The following CAP2 variants were observed in gnomAD, a reference collection of about 807,000 sequenced individuals.
CAP2 encodes adenylyl cyclase-associated protein 2.
CAP2 carries 24 observed loss-of-function variants against 57.7 expected under a neutral mutation model. That is an observed-to-expected ratio of 0.42 (90% CI 0.30 to 0.58). The LOEUF (loss-of-function observed/expected upper bound fraction) is 0.58. CAP2 is among the 20% of genes least tolerant of loss of function. The pLI is 0.22. For missense variants in CAP2, 501 were observed against 590.3 expected (o/e 0.85, Z 1.57); for synonymous variants, 194 against 207.2 (o/e 0.94, Z 0.55).
intron 3 of CAP2, among the ~76,000 whole-genome samples, chr6:17,428,629 TGGGGGGA>T (rs1344913024): frequency 5.1e-5 from 1 of 19,736 alleles, no homozygotes; most frequent in East Asian, 1.6e-3. Flanking sequence ...TGTGGTGGGA[TGGGGGGA>T]GGGGGGAGGG....
intron 6 of CAP2, among the ~76,000 whole-genome samples, chr6:17,511,713 G>A (rs958004542): frequency 6.6e-6 from 1 of 152,090 alleles, no homozygotes; most frequent in Non-Finnish European, 1.5e-5. Flanking sequence ...CTTGGCCTCC[G>A]AAAGTACTGA....
chr6:17,533,671 C>T (rs1275873335), intron 7 of CAP2, among the ~76,000 whole-genome samples: 1 of 151,252 alleles, frequency 6.6e-6, no homozygotes, highest in Non-Finnish European at 1.5e-5. Context: ...TGGGTTCAAG[C>T]GATTCTCCTG....
intron 7 of CAP2, among the ~76,000 whole-genome samples, chr6:17,514,312 G>A (rs9477464): frequency 0.055 from 8,321 of 152,134 alleles, 270 homozygotes; most frequent in Middle Eastern, 0.095. Flanking sequence ...GCAGTGAGCC[G>A]AGATTGCACC....
chr6:17,438,482 A>G (rs1399191820), intron 3 of CAP2, among the ~76,000 whole-genome samples: 1 of 68,560 alleles, frequency 1.5e-5, no homozygotes, highest in Non-Finnish European at 2.3e-5. Flanking sequence ...TCTGTTGCCC[A>G]GGCTGGAGTG....
chr6:17,539,535 C>T, intron 8 of CAP2, 77 bp downstream of exon 8: 1 of 1,107,746 alleles, frequency 9.0e-7, no homozygotes, highest in Non-Finnish European at 1.3e-6. Flanking sequence ...GCTGGAGCCC[C>T]AGTGATGGAT....
intron 7 of CAP2, among the ~76,000 whole-genome samples, chr6:17,526,378 A>G (rs1438344858): frequency 1.3e-5 from 2 of 151,886 alleles, no homozygotes; most frequent in Admixed American, 6.6e-5. Flanking sequence ...TGTGCCTCCC[A>G]AAGTGCTGGG....
At chr6:17,425,569 G>A (rs1759568335) in intron 2 of CAP2, among the ~76,000 whole-genome samples, 1 of 152,122 alleles carries the variant, frequency 6.6e-6, no homozygotes, top group Admixed American at 6.6e-5. Context: ...TGGAAGAAGG[G>A]CCACTGGCTT....
intron 3 of CAP2, among the ~76,000 whole-genome samples, chr6:17,449,689 A>G (rs531440796): frequency 6.6e-6 from 1 of 152,282 alleles, no homozygotes; most frequent in East Asian, 1.9e-4. Flanking sequence ...GATTACAAGC[A>G]TGAGCCACCA....
intron 4 of CAP2, among the ~76,000 whole-genome samples, chr6:17,479,543 AAAG>A (rs1761234722): frequency 6.6e-6 from 1 of 152,144 alleles, no homozygotes; most frequent in African/African-American, 2.4e-5. Flanking sequence ...AGGAAGGAAA[AAAG>A]GAGGGAAAAA....
chr6:17,489,776 G>A (rs527356623), intron 4 of CAP2, among the ~76,000 whole-genome samples: 22 of 152,042 alleles, frequency 1.4e-4, no homozygotes, highest in Middle Eastern at 3.4e-3. Flanking sequence ...CCAGTCTGGA[G>A]CTGGGAAAAC....
chr6:17,551,377 G>A, intron 11 of CAP2, 87 bp from the exon 12 acceptor site: 1 of 1,155,732 alleles, frequency 8.7e-7, no homozygotes, highest in South Asian at 1.5e-5. Context: ...CCAAGCTAAA[G>A]CCAAGAGGAA....
chr6:17,480,756 T>C (rs1292642762), intron 4 of CAP2, among the ~76,000 whole-genome samples: 1 of 150,638 alleles, frequency 6.6e-6, no homozygotes, highest in African/African-American at 2.4e-5. Flanking sequence ...GACTTGGTGC[T>C]AAATGTGGTT....
chr6:17,489,994 C>T (rs1031898631), intron 4 of CAP2, among the ~76,000 whole-genome samples: 1 of 152,132 alleles, frequency 6.6e-6, no homozygotes, highest in Admixed American at 6.5e-5. Context: ...CAACACACAA[C>T]ACAATGCATT....
At chr6:17,519,281 G>A (rs1436812728) in intron 7 of CAP2, among the ~76,000 whole-genome samples, 1 of 152,152 alleles carries the variant, frequency 6.6e-6, no homozygotes. Context: ...TCAGTTGTCA[G>A]GGTGAAATGC....
intron 1 of CAP2, among the ~76,000 whole-genome samples, chr6:17,393,972 T>A (rs1408036055): frequency 6.8e-6 from 1 of 147,802 alleles, no homozygotes; most frequent in Non-Finnish European, 1.5e-5. Context: ...CGGACTCCCA[T>A]CTGGGTCAGC....
At chr6:17,519,079 G>A (rs1341068263) in intron 7 of CAP2, among the ~76,000 whole-genome samples, 2 of 152,004 alleles carry the variant, frequency 1.3e-5, no homozygotes, top group South Asian at 2.1e-4. Flanking sequence ...TTTTCAAATT[G>A]GATTTTGAGA....
intron 1 of CAP2, among the ~76,000 whole-genome samples, chr6:17,407,802 ATC>A (rs1759022805): frequency 3.2e-5 from 4 of 124,548 alleles, no homozygotes; most frequent in African/African-American, 2.9e-5. Context: ...AAAAAAAAAA[ATC>A]AAAGTCAAGT....
intron 2 of CAP2, among the ~76,000 whole-genome samples, chr6:17,423,589 A>G (rs1349366622): frequency 6.6e-6 from 1 of 152,196 alleles, no homozygotes; most frequent in Non-Finnish European, 1.5e-5. Context: ...GTTAAAATCT[A>G]ACTACCGGGA....
intron 3 of CAP2, among the ~76,000 whole-genome samples, chr6:17,432,529 A>G (rs1389949942): frequency 6.6e-6 from 1 of 152,174 alleles, no homozygotes; most frequent in East Asian, 1.9e-4. Context: ...AAGAATCTGT[A>G]TGTCTTTCAG....
Sources: allele counts gnomAD v4.1 joint callset (sites outside exome capture counted in the v4.1 genomes callset), GRCh38; gene constraint gnomAD v4.1.1; transcripts MANE v1.5; gene names NCBI Gene and HGNC (gene_info 2026-07-23, HGNC 2026-07-21).